Variants in GPC3 observed in about 807,000 individuals in gnomAD.
The protein encoded by GPC3 is glypican-3.
A neutral mutation model predicts 34.4 loss-of-function variants in GPC3; 3 were observed. The observed-to-expected ratio is 0.09, with a 90% CI of 0.04 to 0.23. The LOEUF (loss-of-function observed/expected upper bound fraction) is 0.23, where lower values mean the gene tolerates loss of function less well. Among genes scored for constraint, GPC3 ranks in the 10% least tolerant of loss-of-function variants. GPC3 has a pLI of 1.00. For synonymous variants in GPC3, 177 were observed against 174.0 expected (o/e 1.02, Z -0.13); for missense variants, 351 against 445.6 (o/e 0.79, Z 1.91).
intron 2 of GPC3, among the ~76,000 whole-genome samples, chrX:133,768,312 T>C (rs1185851293): frequency 3.6e-5 from 4 of 111,689 alleles, no homozygotes; most frequent in Non-Finnish European, 5.6e-5. Flanking sequence ...ATGGACCTTT[T>C]CATGAAGCAA....
chrX:133,811,515 C>A (rs1023363644), intron 2 of GPC3, among the ~76,000 whole-genome samples: 8 of 111,227 alleles, frequency 7.2e-5, no homozygotes, highest in Non-Finnish European at 1.1e-4. Context: ...AATAATTGCA[C>A]AGGAAACTCT....
At chrX:133,706,724 G>A (rs1378570263) in intron 3 of GPC3, among the ~76,000 whole-genome samples, 1 of 112,145 alleles carries the variant, frequency 8.9e-6, no homozygotes, top group Non-Finnish European at 1.9e-5. Context: ...TGAGGATGCA[G>A]AGAGAGGGGA....
At chrX:133,929,774 A>G (rs942053926) in intron 2 of GPC3, among the ~76,000 whole-genome samples, 1 of 112,280 alleles carries the variant, frequency 8.9e-6, no homozygotes, top group Non-Finnish European at 1.9e-5. Context: ...AAAACATGGC[A>G]TTTGAGGCAA....
chrX:133,764,019 C>T (rs2071824225), intron 2 of GPC3, among the ~76,000 whole-genome samples: 1 of 112,072 alleles, frequency 8.9e-6, no homozygotes, highest in Admixed American at 9.5e-5. Context: ...TGGAACCAAC[C>T]TAGGTGCCCA....
At chrX:133,764,499 T>C (rs2071828324) in intron 2 of GPC3, among the ~76,000 whole-genome samples, 1 of 111,909 alleles carries the variant, frequency 8.9e-6, no homozygotes, top group Admixed American at 9.5e-5. Context: ...ATCTTAAAAA[T>C]GTGAGTCAAA....
At chrX:133,769,743 A>G (rs760717167) in intron 2 of GPC3, among the ~76,000 whole-genome samples, 1 of 112,227 alleles carries the variant, frequency 8.9e-6, no homozygotes, top group East Asian at 2.8e-4. Flanking sequence ...CTATCTGAAG[A>G]GCCTAAAAGC....
intron 2 of GPC3, among the ~76,000 whole-genome samples, chrX:133,930,035 A>C (rs1306711765): frequency 8.9e-6 from 1 of 112,234 alleles, no homozygotes; most frequent in East Asian, 2.8e-4. Flanking sequence ...TTCCATGAAA[A>C]AAAGGTTCAT....
intron 2 of GPC3, among the ~76,000 whole-genome samples, chrX:133,892,451 G>A (rs185839899): frequency 9.0e-6 from 1 of 111,216 alleles, no homozygotes; most frequent in Non-Finnish European, 1.9e-5. Flanking sequence ...GCAAGTTACA[G>A]CCACAAGTCA....
intron 6 of GPC3, among the ~76,000 whole-genome samples, chrX:133,646,946 T>C (rs142039591): frequency 1.6e-3 from 180 of 112,102 alleles, no homozygotes; most frequent in Non-Finnish European, 2.4e-3. Context: ...GGGGAAGCTG[T>C]GGTATTATTC....
At chrX:133,714,242 C>T (rs377734768) in intron 3 of GPC3, among the ~76,000 whole-genome samples, 6 of 111,140 alleles carry the variant, frequency 5.4e-5, no homozygotes, top group South Asian at 3.8e-4. Context: ...GAAGAAGATA[C>T]GAGAATCCAG....
intron 2 of GPC3, among the ~76,000 whole-genome samples, chrX:133,831,731 A>G (rs2075776189): frequency 1.8e-5 from 2 of 112,457 alleles, no homozygotes; most frequent in African/African-American, 3.2e-5. Flanking sequence ...AAACAAAACA[A>G]AAAAACCTCA....
chrX:133,833,413 A>C lies in GPC3; in HGVS notation c.338-79237T>G, dbSNP rs11096380. ...AGCAGAAGTGCATCAGTGACAAGGA[A>C]GGAGGAGGGAGGGTCTGATTAAAAT... is the stretch of plus-strand genomic sequence containing the variant. On this transcript the variant is annotated intron_variant, in intron 2 of 7. Transcript: ENST00000370818. 6.7e-3 allele frequency among the ~76,000 whole-genome samples: 751 copies of C among 111,918 alleles called. 8 individuals are homozygous for C. The highest frequency in any genetic ancestry group is 0.024 in the African/African-American group (727 of 30,801).
At chrX:133,882,835 A>G (rs924167315) in intron 2 of GPC3, among the ~76,000 whole-genome samples, 3 of 111,384 alleles carry the variant, frequency 2.7e-5, no homozygotes, top group Non-Finnish European at 5.7e-5. Flanking sequence ...GATCTATCCA[A>G]TCCCTTGAGA....
chrX:133,631,792 GT>G (rs1199402578), intron 6 of GPC3, among the ~76,000 whole-genome samples: 41 of 108,726 alleles, frequency 3.8e-4, no homozygotes, highest in African/African-American at 8.4e-4. Flanking sequence ...TTCTGTTGTT[GT>G]TTTTTTTTAT....
At chrX:133,682,083 C>T (rs2070949733) in intron 5 of GPC3, among the ~76,000 whole-genome samples, 1 of 111,519 alleles carries the variant, frequency 9.0e-6, no homozygotes, top group Non-Finnish European at 1.9e-5. Context: ...ATTATGCTGA[C>T]ATCACTCAAA....
At chrX:133,725,405 C>G (rs1278875795) in intron 3 of GPC3, among the ~76,000 whole-genome samples, 1 of 112,228 alleles carries the variant, frequency 8.9e-6, no homozygotes, top group Non-Finnish European at 1.9e-5. Flanking sequence ...TCAGATTCTT[C>G]CCATGTGGGT....
intron 1 of GPC3, among the ~76,000 whole-genome samples, chrX:133,970,896 G>T (rs2076489544): frequency 9.0e-6 from 1 of 111,705 alleles, no homozygotes; most frequent in Admixed American, 9.5e-5. Context: ...TAAAGACAAA[G>T]AGAAAAAATA....
chrX:133,901,331 C>CA (rs201368250), intron 2 of GPC3, among the ~76,000 whole-genome samples: 1 of 110,404 alleles, frequency 9.1e-6, no homozygotes, highest in African/African-American at 3.3e-5. Context: ...ACACAAGTAC[C>CA]TTTTTTCATG....
chrX:133,953,291 T>G (rs1480212799), intron 1 of GPC3, 80 bp from the exon 2 acceptor site: 2 of 746,386 alleles, frequency 2.7e-6, no homozygotes, highest in Non-Finnish European at 4.1e-6. Flanking sequence ...CCCCACCCCC[T>G]ACACACACAC....
Sources: allele counts gnomAD v4.1 joint callset (sites outside exome capture counted in the v4.1 genomes callset), GRCh38; gene constraint gnomAD v4.1.1; transcripts MANE v1.5; gene names NCBI Gene and HGNC (gene_info 2026-07-23, HGNC 2026-07-21).